The following DPP6 variants were observed in gnomAD, a reference collection of about 807,000 sequenced individuals.
The protein encoded by DPP6 is dipeptidyl peptidase like 6.
In DPP6, 69 loss-of-function variants were observed where a neutral mutation model predicts 122.6. The ratio of observed to expected loss-of-function variants is 0.56; its 90% CI spans 0.46 to 0.69. The LOEUF is 0.69. Ranked by LOEUF, DPP6 falls within the 30% of genes least tolerant of loss-of-function variation. The pLI, the probability that DPP6 is intolerant of heterozygous loss-of-function variation, is 0.00. For missense variants in DPP6, 928 were observed against 1,116.9 expected, an observed-to-expected ratio of 0.83 and a Z score of 2.41; for synonymous variants, 418 against 433.1, an observed-to-expected ratio of 0.97 and a Z score of 0.43.
intron 1 of DPP6, among the ~76,000 whole-genome samples, chr7:154,338,504 A>G (rs887193663): frequency 1.3e-5 from 2 of 152,226 alleles, no homozygotes; most frequent in African/African-American, 4.8e-5. Context: ...GACTGAAGCC[A>G]AAAGAAAAAG....
intron 1 of DPP6, among the ~76,000 whole-genome samples, chr7:154,272,607 A>G (rs182881379): frequency 3.5e-4 from 54 of 152,298 alleles, no homozygotes; most frequent in Non-Finnish European, 1.0e-4. Flanking sequence ...CATTTTTAAA[A>G]TCCCATTATG....
intron 1 of DPP6, among the ~76,000 whole-genome samples, chr7:154,322,134 G>A (rs913112763): frequency 1.4e-5 from 2 of 140,110 alleles, no homozygotes; most frequent in South Asian, 2.5e-4. Context: ...AAAGGCCCAC[G>A]GAAGGACTCT....
At chr7:153,815,964 A>C in the DPP6 span, among the ~76,000 whole-genome samples, 1 of 152,218 alleles carries the variant, frequency 6.6e-6, no homozygotes, top group South Asian at 2.1e-4. Flanking sequence ...TAAGGTTTCC[A>C]ATGTCATTTA....
At chr7:154,091,296 A>G (rs1183176018) in intron 1 of DPP6, among the ~76,000 whole-genome samples, 1 of 152,104 alleles carries the variant, frequency 6.6e-6, no homozygotes, top group Non-Finnish European at 1.5e-5. Context: ...ACCTCCAGCA[A>G]TTCCTCAGGG....
intron 1 of DPP6, among the ~76,000 whole-genome samples, chr7:154,105,034 G>A (rs1206490232): frequency 2.0e-5 from 3 of 152,218 alleles, no homozygotes; most frequent in Non-Finnish European, 4.4e-5. Flanking sequence ...AGGCTGAGGT[G>A]GGAGGACGCT....
intron 5 of DPP6, among the ~76,000 whole-genome samples, chr7:154,623,647 A>T (rs921517120): frequency 5.1e-4 from 67 of 131,220 alleles, no homozygotes; most frequent in Non-Finnish European, 9.4e-4. Flanking sequence ...ACACACGCGC[A>T]CACACGCGCA....
intron 1 of DPP6, among the ~76,000 whole-genome samples, chr7:154,061,463 G>C (rs1469893956): frequency 8.2e-5 from 12 of 146,902 alleles, no homozygotes; most frequent in East Asian, 5.8e-4. Flanking sequence ...CTAAAGGATG[G>C]CCCCCCTATT....
chr7:154,520,204 G>C (rs1345218521), intron 3 of DPP6, among the ~76,000 whole-genome samples: 1 of 152,202 alleles, frequency 6.6e-6, no homozygotes, highest in African/African-American at 2.4e-5. Flanking sequence ...AAATTTACTT[G>C]TCTCTCAAAT....
chr7:154,640,448 A>T (rs1836002281), intron 6 of DPP6, among the ~76,000 whole-genome samples: 2 of 142,578 alleles, frequency 1.4e-5, no homozygotes, highest in African/African-American at 5.2e-5. Context: ...CCACCCTGTC[A>T]CCATGTCACT....
chr7:154,074,108 G>GATATATAGAGATCTATATACAGATAT (rs1563170862), intron 1 of DPP6, among the ~76,000 whole-genome samples: 1 of 73,050 alleles, frequency 1.4e-5, no homozygotes, highest in Non-Finnish European at 2.7e-5. Flanking sequence ...TATAGAGATA[G>GATATATAGAGATCTATATACAGATAT]AGAGATATAT....
chr7:154,505,152 G>A (rs1825570707), intron 3 of DPP6, among the ~76,000 whole-genome samples: 1 of 152,160 alleles, frequency 6.6e-6, no homozygotes, highest in African/African-American at 2.4e-5. Context: ...GGATTCCAGA[G>A]CTGGCAGGAT....
In DPP6 at chr7:154,369,530, G is replaced by A. The variant is rs558641628; in HGVS notation, c.244-76684G>A. ...ATTACAGGCACCCACCACCACGCCCGGCTAATTTTTGTATTAGTAGAGGTG... is the reference window on the plus strand; with the variant it reads ...ATTACAGGCACCCACCACCACGCCCAGCTAATTTTTGTATTAGTAGAGGTG... On this transcript the variant is annotated intron_variant, in intron 1 of 25. Coordinates refer to ENST00000377770, the MANE Select transcript of DPP6 (RefSeq NM_130797.4). 7.2e-5 allele frequency among the ~76,000 whole-genome samples: 11 copies of A among 152,044 alleles called. No individual in the cohort carries two copies. In the East Asian group the frequency reaches 1.4e-3, roughly 19 times the overall value.
intron 1 of DPP6, among the ~76,000 whole-genome samples, chr7:154,402,414 A>C (rs1239134032): frequency 3.7e-4 from 53 of 144,014 alleles, no homozygotes; most frequent in African/African-American, 4.9e-4. Context: ...AATACTATGC[A>C]GCCATAAAAA....
At chr7:154,261,181 G>A (rs1369991660) in intron 1 of DPP6, among the ~76,000 whole-genome samples, 1 of 152,140 alleles carries the variant, frequency 6.6e-6, no homozygotes, top group Admixed American at 6.5e-5. Context: ...GGCATGAGCT[G>A]CCACGCCCAG....
chr7:154,012,037 T>C (rs1365360914), intron 1 of DPP6, among the ~76,000 whole-genome samples: 1 of 152,208 alleles, frequency 6.6e-6, no homozygotes, highest in African/African-American at 2.4e-5. Flanking sequence ...TTTTTAATTA[T>C]AACAAAATGG....
intron 10 of DPP6, among the ~76,000 whole-genome samples, chr7:154,792,794 G>A (rs967835656): frequency 6.6e-6 from 1 of 152,224 alleles, no homozygotes; most frequent in African/African-American, 2.4e-5. Flanking sequence ...CTGTGTTCAC[G>A]GGTTATGTAC....
intron 5 of DPP6, among the ~76,000 whole-genome samples, chr7:154,575,043 TGTG>T (rs1383687558): frequency 0.023 from 2,597 of 115,034 alleles, 33 homozygotes; most frequent in African/African-American, 0.036. Context: ...GTGTGTGTGG[TGTG>T]GTGTGTGTGG....
intron 13 of DPP6, among the ~76,000 whole-genome samples, chr7:154,802,580 C>T (rs1324724612): frequency 6.6e-6 from 1 of 152,062 alleles, no homozygotes; most frequent in Non-Finnish European, 1.5e-5. Flanking sequence ...AAATGCTGGC[C>T]AGGTGCGGTG....
intron 8 of DPP6, among the ~76,000 whole-genome samples, chr7:154,737,831 A>T (rs1348533628): frequency 2.0e-5 from 3 of 152,244 alleles, no homozygotes; most frequent in Admixed American, 6.5e-5. Flanking sequence ...TTAAGAGCCC[A>T]ACAGACCTTG....
Sources: gnomAD v4.1 joint callset for allele counts (sites outside exome capture counted in the v4.1 genomes callset) on GRCh38, gnomAD v4.1.1 for gene constraint, MANE v1.5 for transcripts, NCBI Gene and HGNC (gene_info 2026-07-23, HGNC 2026-07-21) for gene names.